The following ZC3HC1 variants were observed in gnomAD, a reference collection of about 807,000 sequenced individuals.
The protein encoded by ZC3HC1 is zinc finger C3HC-type containing 1, also known as zinc finger C3HC-type protein 1.
ZC3HC1 carries 38 observed loss-of-function variants against 61.9 expected under a neutral mutation model. That is an observed-to-expected ratio of 0.61 (90% CI 0.47 to 0.81). The LOEUF (loss-of-function observed/expected upper bound fraction) is 0.81, where lower values mean the gene tolerates loss of function less well. Among genes scored for constraint, ZC3HC1 ranks in the 30% least tolerant of loss-of-function variants. ZC3HC1 has a pLI of 0.00. For synonymous variants in ZC3HC1, 213 were observed against 229.9 expected, an observed-to-expected ratio of 0.93 and a Z score of 0.67; for missense variants, 554 against 622.7, an observed-to-expected ratio of 0.89 and a Z score of 1.17.
intron 4 of ZC3HC1, among the ~76,000 whole-genome samples, chr7:130,037,912 T>G (rs1430779311): frequency 6.6e-6 from 1 of 152,240 alleles, no homozygotes; most frequent in Non-Finnish European, 1.5e-5. Context: ...GGCTCTGCTG[T>G]TGAAGCTGTT....
intron 6 of ZC3HC1, 110 bp downstream of exon 6, chr7:130,026,046 CTT>C: frequency 7.5e-7 from 1 of 1,325,818 alleles, no homozygotes; most frequent in Non-Finnish European, 1.0e-6. Flanking sequence ...TTCTTTGTCT[CTT>C]TTTCTCACGG....
At chr7:130,051,409 C>A, upstream of ZC3HC1, 2 of 1,610,066 alleles carry the variant, frequency 1.2e-6, no homozygotes, top group South Asian at 1.1e-5. Flanking sequence ...TTTGAAGGCT[C>A]CGGAACTTCC....
intron 2 of ZC3HC1, among the ~76,000 whole-genome samples, 187 bp from the exon 3 acceptor site, chr7:130,041,288 A>G (rs1794660915): frequency 6.6e-6 from 1 of 151,886 alleles, no homozygotes; most frequent in East Asian, 1.9e-4. Flanking sequence ...CTCAGGTTCA[A>G]GCAATTCTCC....
intron 3 of ZC3HC1, 45 bp from the exon 4 acceptor site, chr7:130,039,592 A>T (rs1210170933): frequency 6.8e-7 from 1 of 1,469,332 alleles, no homozygotes; most frequent in Non-Finnish European, 9.3e-7. Context: ...CACTATATAG[A>T]TTCAAAATCC....
rs1349942043 is a variant in ZC3HC1 at position 130,026,332 on chromosome 7, A to G, written c.622-20T>C. ...CAAGCACTACAAGGGAGCCAAGTAAAAAACTTCGTTTCAACCACCATAAAA... is the reference window on the plus strand; with the variant it reads ...CAAGCACTACAAGGGAGCCAAGTAAGAAACTTCGTTTCAACCACCATAAAA... On this transcript the variant is annotated intron_variant, in intron 5 of 9. Transcript: ENST00000358303. 1.8e-5 allele frequency: 28 copies of G among 1,593,618 alleles called. No homozygotes were observed. Among genetic ancestry groups the G allele is most frequent in the Non-Finnish European group, 2.1e-5 (25 of 1,166,758 alleles).
intron 7 of ZC3HC1, among the ~76,000 whole-genome samples, 173 bp downstream of exon 7, chr7:130,024,090 G>A (rs1352230078): frequency 1.3e-5 from 2 of 152,268 alleles, no homozygotes; most frequent in South Asian, 2.1e-4. Context: ...GTGAGCCACC[G>A]GGTCTGGCTG....
chr7:130,040,179 G>GT (rs1195950971), intron 3 of ZC3HC1, among the ~76,000 whole-genome samples: 8 of 84,664 alleles, frequency 9.4e-5, no homozygotes, highest in African/African-American at 2.9e-4. Flanking sequence ...AGCTAGCTTA[G>GT]TTTAAAAAAA....
chr7:130,039,444 G>A lies in ZC3HC1; in HGVS notation c.493+20C>T, dbSNP rs1384362578. On this transcript the variant is annotated intron_variant, in intron 4 of 9. Transcript: ENST00000358303. ...ATGATGAAGGAAAAATGGTGAACAG[G>A]AATTCTCAAAAATAAGTACCTGGGG... 6.3e-7 allele frequency: 1 copy of A among 1,594,834 alleles called. No individual in the cohort carries two copies. Among genetic ancestry groups the A allele is most frequent in the Non-Finnish European group, 8.6e-7 (1 of 1,168,060 alleles).
intron 6 of ZC3HC1, among the ~76,000 whole-genome samples, chr7:130,025,932 GAAACA>G (rs1793887137): frequency 7.9e-6 from 1 of 126,526 alleles, no homozygotes; most frequent in Admixed American, 7.8e-5. Context: ...AACAGTACAA[GAAACA>G]AAGTTCAGTT....
At chr7:130,041,131 A>AATAT (rs375888799) in intron 2 of ZC3HC1, 30 bp from the exon 3 acceptor site, 22 of 1,369,952 alleles carry the variant, frequency 1.6e-5, no homozygotes, top group Admixed American at 6.0e-5. Context: ...CAACACAGCA[A>AATAT]ATATATATAT....
chr7:130,033,455 T>C (rs1299880696), intron 4 of ZC3HC1, among the ~76,000 whole-genome samples: 2 of 140,864 alleles, frequency 1.4e-5, no homozygotes, highest in African/African-American at 5.4e-5. Flanking sequence ...CTTTTTTTTT[T>C]TTTTTTTTTT....
chr7:130,049,138 G>C lies in ZC3HC1; in HGVS notation c.153C>G (p.Asp51Glu). The change falls in exon 2 of 10, where the codon GAC (aspartate) becomes GAG (glutamate). Residue 51 changes from aspartate (D) to glutamate (E), a missense_variant. By Grantham distance (45) the Asp-to-Glu change is conservative. Coordinates refer to ENST00000358303, the MANE Select transcript of ZC3HC1 (RefSeq NM_016478.5). Reference sequence around the variant, plus strand: ...TAACTGACTGGGATGTGGCAGACGTGTCCTTCCTAATATAAAGTGGCAAAA... The same window carrying C: ...TAACTGACTGGGATGTGGCAGACGTCTCCTTCCTAATATAAAGTGGCAAAA... The part of the protein sequence containing the change: ...APEEGGVDAK[D>E]TSATSQSVNG... 1.3e-6 allele frequency: 2 copies of C among 1,594,112 alleles called. No homozygotes were observed. The highest frequency in any genetic ancestry group is 1.7e-6 in the Non-Finnish European group (2 of 1,171,340).
Position 130,024,289 on chromosome 7 carries a change from C to T in ZC3HC1, c.994G>A (p.Ala332Thr). The change falls in exon 7 of 10, where the codon GCC (alanine) becomes ACC (threonine). Residue 332 changes from alanine (A) to threonine (T), a missense_variant. By Grantham distance (58) the Ala-to-Thr change is moderately conservative. Transcript: ENST00000358303. ...PRRMMTRSQD[A>T]TFSPGSEQAE... ...TGCTCTGAGCCTGGGGAGAAAGTGG[C>T]ATCCTGGCTCCGGGTCATCATCCTC... The T allele has an allele frequency of 6.2e-7, 1 of 1,611,654 alleles. No individual in the cohort carries two copies. Among genetic ancestry groups the T allele is most frequent in the Non-Finnish European group, 8.5e-7 (1 of 1,178,396 alleles).
chr7:130,043,710 C>T, intron 2 of ZC3HC1: 1 of 349,586 alleles, frequency 2.9e-6, no homozygotes, highest in South Asian at 2.3e-5. Context: ...TGCGAAGAGG[C>T]AGCTCAGCCC....
chr7:130,026,675 T>C (rs886563157), intron 5 of ZC3HC1: 1 of 161,692 alleles, frequency 6.2e-6, no homozygotes, highest in African/African-American at 2.4e-5. Context: ...TAAATTTACT[T>C]AAACATTAAA....
intron 4 of ZC3HC1, among the ~76,000 whole-genome samples, chr7:130,038,694 A>G (rs1251942826): frequency 6.6e-6 from 1 of 151,864 alleles, no homozygotes; most frequent in East Asian, 1.9e-4. Context: ...CCCCATCTCT[A>G]CAAAAAATTT....
At chr7:130,048,830 G>T (rs1794964188) in intron 2 of ZC3HC1, 1 of 388,642 alleles carries the variant, frequency 2.6e-6, no homozygotes, top group Non-Finnish European at 4.5e-6. Context: ...CAGGCTCTTA[G>T]TTTTTTCTTC....
rs1171656821 is a variant in ZC3HC1 at position 130,023,367 on chromosome 7, T to A, written c.1233+144A>T. The A allele has an allele frequency of 2.6e-6, 2 of 775,270 alleles. No individual in the cohort carries two copies. Among genetic ancestry groups the A allele is most frequent in the East Asian group, 5.2e-5 (2 of 38,744 alleles). 48.0% of individuals were successfully genotyped at this position (775,270 alleles called of 1,614,324 possible). On this transcript the variant is annotated intron_variant, in intron 8 of 9. Coordinates refer to ENST00000358303, the MANE Select transcript of ZC3HC1 (RefSeq NM_016478.5). The surrounding 1 kb of genome is among the most constrained non-coding windows in gnomAD (Gnocchi z 4.2). Reference sequence around the variant, plus strand: ...AAACATGACTGACATTTTTTCCCTTTGGTCATCCAACTTTAAATTTATTCA... The same window carrying A: ...AAACATGACTGACATTTTTTCCCTTAGGTCATCCAACTTTAAATTTATTCA...
At chr7:130,034,579 G>C (rs1442019880) in intron 4 of ZC3HC1, among the ~76,000 whole-genome samples, 1 of 150,610 alleles carries the variant, frequency 6.6e-6, no homozygotes, top group Non-Finnish European at 1.5e-5. Context: ...ACTATAACTT[G>C]GAATTCCTGG....
Sources: gnomAD v4.1 joint callset for allele counts (sites outside exome capture counted in the v4.1 genomes callset) on GRCh38, gnomAD v4.1.1 for gene constraint, Gnocchi (gnomAD v3.1) non-coding constraint, MANE v1.5 for transcripts, NCBI Gene and HGNC (gene_info 2026-07-23, HGNC 2026-07-21) for gene names.